ENPP5: variants seen among roughly 807,000 people sequenced by gnomAD.
ENPP5 encodes ectonucleotide pyrophosphatase/phosphodiesterase family member 5, also known as E-NPP 5.
A neutral mutation model predicts 33.7 loss-of-function variants in ENPP5; 27 were observed. The ratio of observed to expected loss-of-function variants is 0.80; its 90% CI spans 0.59 to 1.11. The LOEUF (loss-of-function observed/expected upper bound fraction) is 1.11. Ranked by LOEUF, ENPP5 falls within the 50% of genes least tolerant of loss-of-function variation. ENPP5 has a pLI of 0.00. For synonymous variants in ENPP5, 199 were observed against 200.5 expected, an observed-to-expected ratio of 0.99 and a Z score of 0.06; for missense variants, 552 against 579.2, an observed-to-expected ratio of 0.95 and a Z score of 0.48.
intron 4 of ENPP5, among the ~76,000 whole-genome samples, chr6:46,162,037 T>TTCTG (rs1764410689): frequency 6.6e-6 from 1 of 152,134 alleles, no homozygotes; most frequent in African/African-American, 2.4e-5. Context: ...AAATTAGAGT[T>TTCTG]TTTGTTTGTT....
At chr6:46,163,193 T>C (rs1764438026) in intron 4 of ENPP5, among the ~76,000 whole-genome samples, 1 of 150,876 alleles carries the variant, frequency 6.6e-6, no homozygotes, top group Non-Finnish European at 1.5e-5. Flanking sequence ...GTAGGTCTGT[T>C]TTGGGCCCAA....
At chr6:46,166,160 G>C (rs1365350484) in intron 3 of ENPP5, among the ~76,000 whole-genome samples, 2 of 151,772 alleles carry the variant, frequency 1.3e-5, no homozygotes, top group Non-Finnish European at 2.9e-5. Flanking sequence ...GAAATCGAAG[G>C]GTTAATGTAA....
intron 1 of ENPP5, among the ~76,000 whole-genome samples, chr6:46,170,339 T>C (rs1418552189): frequency 6.6e-6 from 1 of 151,298 alleles, no homozygotes; most frequent in East Asian, 1.9e-4. Flanking sequence ...ATCACATCCA[T>C]GACACAGAGC....
intron 4 of ENPP5, chr6:46,165,018 GC>G (rs1225175101): frequency 6.5e-6 from 1 of 154,544 alleles, no homozygotes; most frequent in African/African-American, 2.4e-5. Context: ...GGGATTACAG[GC>G]GAGAGCCACC....
At position 46,165,543 on chromosome 6, in the gene ENPP5, C is replaced by T. The variant is rs1764518497; in HGVS notation, c.850G>A (p.Glu284Lys). Residue 284 changes from glutamate to lysine, a missense_variant, in exon 4 of 5, where the codon GAA (glutamate) becomes AAA (lysine). Physicochemically the swap from Glu to Lys is moderately conservative, Grantham distance 56. Transcript: ENST00000371383. ...PKEGKFDEVY[E>K]ALTHAHPNLT... The stretch of plus-strand genomic sequence containing the variant: ...TTAGGATGAGCGTGAGTTAGTGCTT[C>T]ATAGACTTCATCAAATTTACCTAAA... 3.8e-6 allele frequency: 6 copies of T among 1,575,358 alleles called. No individual in the cohort carries two copies. The highest frequency in any genetic ancestry group is 5.1e-6 in the Non-Finnish European group (6 of 1,167,764).
At chr6:46,165,190 G>T (rs952983346) in intron 4 of ENPP5, 197 bp downstream of exon 4, 4 of 475,004 alleles carry the variant, frequency 8.4e-6, no homozygotes, top group Non-Finnish European at 1.5e-5. Flanking sequence ...GGGACATTTT[G>T]TATATATCTT....
At chr6:46,169,932 TCAAA>T (rs1208630677) in intron 2 of ENPP5, 117 bp downstream of exon 2, 64 of 152,336 alleles carry the variant, frequency 4.2e-4, no homozygotes, top group Non-Finnish European at 7.3e-4. Flanking sequence ...AGATGATAGC[TCAAA>T]TGTCATATTT....
In ENPP5 at chr6:46,160,465, CAA is replaced by C. The variant is rs1764353713; in HGVS notation, c.*859_*860del. On this transcript the variant is annotated 3_prime_UTR_variant, in exon 5 of 5. Coordinates refer to ENST00000371383, the MANE Select transcript of ENPP5 (RefSeq NM_001290072.2). ...TTTCAAAGGAGCAAATAATTACAAA[CAA>C]GAGAAAACATTGCTGAGATGGTGCC... 1 of 152,042 alleles carries C rather than the reference CAA, an allele frequency of 6.6e-6. No individual in the cohort carries two copies. Among genetic ancestry groups the C allele is most frequent in the South Asian group, 2.1e-4 (1 of 4,830 alleles). The allele number at this position is 152,042 out of a possible 1,614,324, so 9.4% of individuals were successfully genotyped here. A position where few individuals can be genotyped will look rare whatever the true frequency, so the allele number is the denominator to read the frequency against.
chr6:46,168,373 G>T, intron 2 of ENPP5, 76 bp from the exon 3 acceptor site: 1 of 607,500 alleles, frequency 1.6e-6, no homozygotes. Context: ...GAGTAACAGT[G>T]CTTAGCAATC....
intron 2 of ENPP5, among the ~76,000 whole-genome samples, chr6:46,168,596 A>C (rs888130210): frequency 4.6e-5 from 7 of 152,184 alleles, no homozygotes; most frequent in African/African-American, 1.7e-4. Flanking sequence ...ATTTACATAA[A>C]ACTTTTAGAA....
At chr6:46,168,954 A>G (rs1378242642) in intron 2 of ENPP5, among the ~76,000 whole-genome samples, 1 of 150,792 alleles carries the variant, frequency 6.6e-6, no homozygotes. Flanking sequence ...ATCAAATCAC[A>G]GCATTCGTTG....
rs1324622874 is a variant in ENPP5 at position 46,166,117 on chromosome 6, G to A, written c.830-554C>T. On this transcript the variant is annotated intron_variant, in intron 3 of 4. Transcript: ENST00000371383. The stretch of plus-strand genomic sequence containing the variant: ...AGGTTGCATCCTTATCTTCTGCACC[G>A]CAACAAGAGGACATCATTCCAATTT... Among the ~76,000 whole-genome samples the A allele has an allele frequency of 9.2e-5, 14 of 152,014 alleles. No homozygotes were observed. In the East Asian group the frequency reaches 9.6e-4, roughly 10 times the overall value.
chr6:46,162,392 A>G (rs1205232806), intron 4 of ENPP5, among the ~76,000 whole-genome samples: 1 of 152,092 alleles, frequency 6.6e-6, no homozygotes, highest in Non-Finnish European at 1.5e-5. Context: ...TAAGGTAAAA[A>G]CTTGGGGGTC....
Position 46,167,727 on chromosome 6 carries a change from G to A in ENPP5, c.536C>T (p.Pro179Leu), listed in dbSNP as rs145768977. Residue 179 changes from proline to leucine, a missense_variant, in exon 3 of 5, where the codon CCC becomes CTC. Coordinates refer to ENST00000371383, the MANE Select transcript of ENPP5 (RefSeq NM_001290072.2). ...CCAATAGAGAAGACCAAGATTTATG[G>A]GCTCTTTTGACGTAAACCATTCAAT... The part of the protein sequence containing the change: ...KIIEWFTSKE[P>L]INLGLLYWED... The A allele has an allele frequency of 6.2e-7, 1 of 1,613,924 alleles. No homozygotes were observed. Among genetic ancestry groups the A allele is most frequent in the East Asian group, 2.2e-5 (1 of 44,894 alleles).
chr6:46,163,806 G>T (rs1764461131), intron 4 of ENPP5, among the ~76,000 whole-genome samples: 1 of 152,160 alleles, frequency 6.6e-6, no homozygotes, highest in South Asian at 2.1e-4. Flanking sequence ...ATTTTTTCAT[G>T]TGTTTTTTTG....
At position 46,165,398 on chromosome 6, in the gene ENPP5, T is replaced by G. The variant is rs1359729407; in HGVS notation, c.995A>C (p.Asp332Ala). Residue 332 changes from aspartate to alanine, a missense_variant, in exon 4 of 5, where the codon GAT (aspartate) becomes GCT (alanine). By Grantham distance (126) the Asp-to-Ala change is moderately radical. Coordinates refer to ENST00000371383, the MANE Select transcript of ENPP5 (RefSeq NM_001290072.2). ...EGWHILQNKS[D>A]DFLLGNHGYD... is the part of the protein sequence containing the mutation. Reference sequence around the variant, plus strand: ...TGTAACATACTCACACAGAAAGTCATCTGACTTATTCTGTAAAATGTGCCA... The same window carrying G: ...TGTAACATACTCACACAGAAAGTCAGCTGACTTATTCTGTAAAATGTGCCA... The G allele has an allele frequency of 6.4e-7, 1 of 1,571,092 alleles. No homozygotes were observed. The highest frequency in any genetic ancestry group is 8.6e-7 in the Non-Finnish European group (1 of 1,165,764).
chr6:46,161,221 G>C lies in ENPP5; in HGVS notation c.*105C>G, dbSNP rs1317882304. The C allele has an allele frequency of 2.2e-6, 2 of 892,914 alleles. No homozygotes were observed. The highest frequency in any genetic ancestry group is 1.7e-5 in the South Asian group (1 of 58,192). 55.3% of individuals were successfully genotyped at this position (892,914 alleles called of 1,614,324 possible). A position where few individuals can be genotyped will look rare whatever the true frequency, so the allele number is the denominator to read the frequency against. On this transcript the variant is annotated 3_prime_UTR_variant, in exon 5 of 5. Transcript: ENST00000371383. ...TACCTAAATATGTAACTGCTTAATG[G>C]TTTCTGCAAATGTTTGGAACTGGTT...
intron 2 of ENPP5, among the ~76,000 whole-genome samples, chr6:46,169,590 G>C (rs906676357): frequency 1.3e-5 from 2 of 152,024 alleles, no homozygotes. Context: ...ACAGGGTTTC[G>C]CCATGTTGGC....
In ENPP5 at chr6:46,167,853, G is replaced by A. The variant is rs1301802626; in HGVS notation, c.410C>T (p.Ala137Val). 4 of 1,614,172 alleles carry A rather than the reference G, an allele frequency of 2.5e-6. No individual in the cohort carries two copies. Among genetic ancestry groups the A allele is most frequent in the Non-Finnish European group, 2.5e-6 (3 of 1,180,022 alleles). The change falls in exon 3 of 5, where the codon GCC becomes GTC. Residue 137 changes from alanine to valine, a missense_variant. Coordinates refer to ENST00000371383, the MANE Select transcript of ENPP5 (RefSeq NM_001290072.2). ...TTTTACATCTGTTCCGGGCCACATGGCTGCACCACTAGTATGTCCTGCCCT... is the reference window on the plus strand; with the variant it reads ...TTTTACATCTGTTCCGGGCCACATGACTGCACCACTAGTATGTCCTGCCCT... The part of the protein sequence containing the change: ...NQRAGHTSGA[A>V]MWPGTDVKIH...
Sources: gnomAD v4.1 joint callset for allele counts (sites outside exome capture counted in the v4.1 genomes callset) on GRCh38, gnomAD v4.1.1 for gene constraint, MANE v1.5 for transcripts, NCBI Gene and HGNC (gene_info 2026-07-23, HGNC 2026-07-21) for gene names.